EIF4G3: variants seen among roughly 807,000 people sequenced by gnomAD.
EIF4G3 encodes the protein eukaryotic translation initiation factor 4 gamma 3, also known as eIF-4-gamma 3.
Under a neutral mutation model 186.4 loss-of-function variants are expected in EIF4G3, and 34 were observed. The observed-to-expected ratio is 0.18, with a 90% CI of 0.14 to 0.24. The LOEUF is 0.24. EIF4G3 is among the 10% of genes least tolerant of loss of function. The probability of loss-of-function intolerance (pLI) is 1.00; values close to 1 mark genes in which losing one functional copy is unlikely to be tolerated. For missense variants in EIF4G3, 1,536 were observed against 1,948.5 expected (o/e 0.79, Z 3.99); for synonymous variants, 673 against 679.5 (o/e 0.99, Z 0.15).
Position 20,865,266 on chromosome 1 carries a change from C to T in EIF4G3, c.2623-4G>A, listed in dbSNP as rs1454338668. Reference sequence around the variant, plus strand: ...TGTCTGCCATGGGTACTTTCAGCTACATCCAGACAGGAAAATAAAAAAAAT... The same window carrying T: ...TGTCTGCCATGGGTACTTTCAGCTATATCCAGACAGGAAAATAAAAAAAAT... On this transcript the variant is annotated splice_region_variant and splice_polypyrimidine_tract_variant and intron_variant, in intron 20 of 36. Coordinates refer to ENST00000602326, the MANE Select transcript of EIF4G3 (RefSeq NM_001391906.1). 3 of 1,608,410 alleles carry T rather than the reference C, an allele frequency of 1.9e-6. No homozygotes were observed. Among genetic ancestry groups the T allele is most frequent in the South Asian group, 2.2e-5 (2 of 89,660 alleles).
At chr1:21,092,418 C>T (rs894621062) in intron 2 of EIF4G3, among the ~76,000 whole-genome samples, 1 of 152,074 alleles carries the variant, frequency 6.6e-6, no homozygotes, top group Admixed American at 6.6e-5. Context: ...GATCAATATT[C>T]ATCAGGGATA....
intron 14 of EIF4G3, among the ~76,000 whole-genome samples, chr1:20,923,325 C>T (rs894299257): frequency 2.0e-5 from 3 of 152,096 alleles, no homozygotes; most frequent in African/African-American, 4.8e-5. Context: ...AAGCAATTGT[C>T]GACACTGAGA....
At chr1:20,954,811 C>T (rs1204784121) in intron 12 of EIF4G3, among the ~76,000 whole-genome samples, 1 of 152,112 alleles carries the variant, frequency 6.6e-6, no homozygotes, top group East Asian at 1.9e-4. Flanking sequence ...CATTTAATCA[C>T]TATAGGTATA....
chr1:20,821,903 G>A (rs887432963), intron 33 of EIF4G3, among the ~76,000 whole-genome samples: 2 of 152,022 alleles, frequency 1.3e-5, no homozygotes, highest in African/African-American at 4.8e-5. Flanking sequence ...CCAATATGGA[G>A]TCTTGCTCTG....
chr1:21,135,766 A>G (rs1390651270), intron 2 of EIF4G3, among the ~76,000 whole-genome samples: 1 of 152,222 alleles, frequency 6.6e-6, no homozygotes, highest in East Asian at 1.9e-4. Context: ...GTAATGTAAC[A>G]CACCCGGGTC....
intron 7 of EIF4G3, among the ~76,000 whole-genome samples, chr1:20,989,470 T>A (rs1281298642): frequency 7.3e-6 from 1 of 137,160 alleles, no homozygotes; most frequent in Admixed American, 8.5e-5. Context: ...GCCAGGAGAA[T>A]CACTTGAACC....
intron 4 of EIF4G3, among the ~76,000 whole-genome samples, chr1:21,046,426 C>T (rs1234489056): frequency 6.6e-6 from 1 of 152,202 alleles, no homozygotes; most frequent in Non-Finnish European, 1.5e-5. Flanking sequence ...CCTGTCTTAA[C>T]AAAGAAGCAG....
intron 30 of EIF4G3, among the ~76,000 whole-genome samples, chr1:20,839,980 A>ATGTCCAGG (rs1173017850): frequency 4.0e-5 from 6 of 151,864 alleles, no homozygotes; most frequent in African/African-American, 1.5e-4. Context: ...CAATAAGCAT[A>ATGTCCAGG]TGTCCAGGTG....
chr1:20,863,594 G>A (rs973640471), intron 22 of EIF4G3, among the ~76,000 whole-genome samples: 4 of 151,794 alleles, frequency 2.6e-5, no homozygotes, highest in Middle Eastern at 3.4e-3. Flanking sequence ...ACAGGCATGC[G>A]CCACCATGCC....
At position 20,862,291 on chromosome 1, in the gene EIF4G3, C is replaced by T. The variant is rs370712955; in HGVS notation, c.3048G>A (p.Val1016=). Residue 1016 remains valine, a synonymous_variant, in exon 23 of 37, where the codon GTG becomes GTA. Transcript: ENST00000602326. ...DQYFNQMEKI[V]KERKTSSRIR... is the part of the protein sequence containing the mutation. Reference sequence around the variant, plus strand: ...TCCTAGATGAGGTTTTTCTTTCTTTCACAATTTTCTCCATCTGATTAAAGT... The same window carrying T: ...TCCTAGATGAGGTTTTTCTTTCTTTTACAATTTTCTCCATCTGATTAAAGT... 29 of 1,612,508 alleles carry T rather than the reference C, an allele frequency of 1.8e-5. No homozygotes were observed. Among genetic ancestry groups the T allele is most frequent in the Non-Finnish European group, 2.2e-5 (26 of 1,179,220 alleles).
intron 4 of EIF4G3, among the ~76,000 whole-genome samples, chr1:21,016,176 C>T (rs569387452): frequency 3.3e-5 from 5 of 152,246 alleles, no homozygotes; most frequent in South Asian, 2.1e-4. Flanking sequence ...AAAAGAAGTA[C>T]GGTTTTTGTA....
chr1:21,013,204 G>C (rs536743615), intron 4 of EIF4G3, among the ~76,000 whole-genome samples: 23 of 151,904 alleles, frequency 1.5e-4, no homozygotes, highest in Non-Finnish European at 3.2e-4. Context: ...TCAACCAGAC[G>C]CAAACTCTCT....
At chr1:21,097,298 C>T (rs2096398252) in intron 2 of EIF4G3, among the ~76,000 whole-genome samples, 1 of 152,078 alleles carries the variant, frequency 6.6e-6, no homozygotes. Context: ...CAGACTTGTA[C>T]ACAATGCAAC....
At chr1:20,871,823 TTC>T (rs2079274179) in intron 20 of EIF4G3, among the ~76,000 whole-genome samples, 1 of 152,092 alleles carries the variant, frequency 6.6e-6, no homozygotes, top group African/African-American at 2.4e-5. Context: ...TTCTTTTCTT[TTC>T]TCTGTCTTTT....
intron 2 of EIF4G3, among the ~76,000 whole-genome samples, chr1:21,157,595 C>CA (rs1191495252): frequency 6.6e-6 from 1 of 152,082 alleles, no homozygotes; most frequent in Non-Finnish European, 1.5e-5. Context: ...TCTAGCCTCC[C>CA]AAAGTGCTGG....
intron 3 of EIF4G3, among the ~76,000 whole-genome samples, chr1:21,084,057 TC>T (rs1417197585): frequency 6.6e-6 from 1 of 152,038 alleles, no homozygotes; most frequent in Non-Finnish European, 1.5e-5. Context: ...CAGTCTATTC[TC>T]CATACAGCAG....
intron 14 of EIF4G3, among the ~76,000 whole-genome samples, chr1:20,918,160 AGTC>A (rs1217519237): frequency 1.3e-5 from 2 of 152,018 alleles, no homozygotes; most frequent in Non-Finnish European, 2.9e-5. Context: ...TCTGATATAT[AGTC>A]TTCTACACCA....
chr1:21,021,852 G>A (rs2090795240), intron 4 of EIF4G3, among the ~76,000 whole-genome samples: 1 of 152,032 alleles, frequency 6.6e-6, no homozygotes, highest in South Asian at 2.1e-4. Flanking sequence ...CACCGTGCCC[G>A]GCTCTGACAT....
intron 30 of EIF4G3, 49 bp from the exon 31 acceptor site, chr1:20,829,321 T>C: frequency 6.3e-7 from 1 of 1,596,250 alleles, no homozygotes. Flanking sequence ...AATTCAAAAG[T>C]TAAAATTAAA....
Sources: allele counts gnomAD v4.1 joint callset (sites outside exome capture counted in the v4.1 genomes callset), GRCh38; gene constraint gnomAD v4.1.1; transcripts MANE v1.5; gene names NCBI Gene and HGNC (gene_info 2026-07-23, HGNC 2026-07-21).